TFAP2C: variants seen among roughly 807,000 people sequenced by gnomAD.
The protein encoded by TFAP2C is activating enhancer-binding protein 2 gamma.
Under a neutral mutation model 42.9 loss-of-function variants are expected in TFAP2C, and 9 were observed. That is an observed-to-expected ratio of 0.21 (90% confidence interval 0.13 to 0.37). TFAP2C has a LOEUF of 0.37. Among genes scored for constraint, TFAP2C ranks in the 10% least tolerant of loss-of-function variants. TFAP2C has a pLI of 1.00. For missense variants in TFAP2C, 462 were observed against 591.7 expected (o/e 0.78, Z 2.27); for synonymous variants, 264 against 256.0 (o/e 1.03, Z -0.30).
Position 56,631,089 on chromosome 20 carries a change from C to G in TFAP2C, c.49-116C>G. The stretch of plus-strand genomic sequence containing the variant: ...ACCTTCCGACCCTGGGCAAGCCCCG[C>G]CGGGCGGGGTGCGGTTGGTCCCCCG... On this transcript the variant is annotated intron_variant, in intron 1 of 6. Coordinates refer to ENST00000201031, the MANE Select transcript of TFAP2C (RefSeq NM_003222.4). This position sits in a 1 kb window ranked among gnomAD's most constrained non-coding sequence, Gnocchi z 6.1. 6.9e-7 allele frequency: 1 copy of G among 1,438,868 alleles called. No individual in the cohort carries two copies. The highest frequency in any genetic ancestry group is 9.1e-7 in the Non-Finnish European group (1 of 1,103,432). 89.1% of individuals were successfully genotyped at this position (1,438,868 alleles called of 1,614,324 possible).
intron 5 of TFAP2C, 73 bp from the exon 6 acceptor site, chr20:56,636,537 A>G (rs1987586646): frequency 1.9e-5 from 29 of 1,513,726 alleles, no homozygotes; most frequent in Non-Finnish European, 2.5e-5. Context: ...AAAAAAAAAA[A>G]AAAGAGAGAG....
rs1382424847 is a variant in TFAP2C, at chr20:56,629,836, C to T, written c.48+244C>T. Among the ~76,000 whole-genome samples the T allele has an allele frequency of 6.6e-6, 1 of 152,220 alleles. No homozygotes were observed. Among genetic ancestry groups the T allele is most frequent in the Non-Finnish European group, 1.5e-5 (1 of 68,038 alleles). On this transcript the variant is annotated intron_variant, in intron 1 of 6. Transcript: ENST00000201031. The surrounding 1 kb of genome is among the most constrained non-coding windows in gnomAD (Gnocchi z 5.9). ...AGAATGGCAAATCCCACCCACACAG[C>T]TTACCGGGCGCTTTCCTAAGCGGCA...
In TFAP2C at chr20:56,637,734, G is replaced by A; in HGVS notation, c.1074G>A (p.Leu358=). The A allele has an allele frequency of 6.2e-7, 1 of 1,614,042 alleles. No individual in the cohort carries two copies. The highest frequency in any genetic ancestry group is 1.1e-5 in the South Asian group (1 of 91,082). ...CAACTGACTGTCTTCACAGGCAACT[G>A]TGTAAAGAATTCACAGAACTTCTCA... ...RKNMLLAAQQ[L]CKEFTELLSQ... is the part of the protein sequence containing the mutation. The change falls in exon 7 of 7, where the codon CTG becomes CTA. Residue 358 remains leucine, a synonymous_variant. Transcript: ENST00000201031.
intron 5 of TFAP2C, 124 bp downstream of exon 5, chr20:56,634,392 G>T (rs1464205245): frequency 1.2e-5 from 8 of 692,922 alleles, no homozygotes; most frequent in Non-Finnish European, 2.0e-5. Flanking sequence ...GAAAGCAATT[G>T]GAATTGTTCT....
rs1363174952 is a variant in TFAP2C at position 56,638,449 on chromosome 20, T to C, written c.*436T>C. The C allele has an allele frequency of 1.2e-5, 2 of 160,596 alleles. No homozygotes were observed. Among genetic ancestry groups the C allele is most frequent in the Non-Finnish European group, 2.8e-5 (2 of 72,532 alleles). 9.9% of individuals were successfully genotyped at this position (160,596 alleles called of 1,614,324 possible). The stretch of plus-strand genomic sequence containing the variant: ...CAGTGTTAAGGTAATGGTTGGTTTT[T>C]GTGTCCGCTAAATATTTACCTTGAA... On this transcript the variant is annotated 3_prime_UTR_variant, in exon 7 of 7. Transcript: ENST00000201031.
Position 56,636,605 on chromosome 20 carries a change from T to C in TFAP2C, c.923-5T>C. On this transcript the variant is annotated splice_polypyrimidine_tract_variant and splice_region_variant and intron_variant, in intron 5 of 6. Coordinates refer to ENST00000201031, the MANE Select transcript of TFAP2C (RefSeq NM_003222.4). ...CATCCTAAAAGCTGTTGCTGATTAT[T>C]CTAGGTGAAGCTGTTCATTTGGCTA... 6.2e-7 allele frequency: 1 copy of C among 1,610,472 alleles called. No homozygotes were observed. The highest frequency in any genetic ancestry group is 8.5e-7 in the Non-Finnish European group (1 of 1,178,948).
chr20:56,630,434 C>A lies in TFAP2C; in HGVS notation c.49-771C>A. On this transcript the variant is annotated intron_variant, in intron 1 of 6. Transcript: ENST00000201031. This position sits in a 1 kb window ranked among gnomAD's most constrained non-coding sequence, Gnocchi z 5.1. ...CGCATCCTTTAGAAACTGAGTCGGG[C>A]CGCCCAGGGGCGAGGGAACGTGCGC... 2 of 424,364 alleles carry A rather than the reference C, an allele frequency of 4.7e-6. No individual in the cohort carries two copies. Among genetic ancestry groups the A allele is most frequent in the Non-Finnish European group, 4.9e-6 (1 of 205,016 alleles). The allele number at this position is 424,364 out of a possible 1,614,324, so 26.3% of individuals were successfully genotyped here.
Position 56,636,606 on chromosome 20 carries a change from C to G in TFAP2C, c.923-4C>G. 2 of 1,609,514 alleles carry G rather than the reference C, an allele frequency of 1.2e-6. No individual in the cohort carries two copies. Among genetic ancestry groups the G allele is most frequent in the Non-Finnish European group, 1.7e-6 (2 of 1,178,672 alleles). The stretch of plus-strand genomic sequence containing the variant: ...ATCCTAAAAGCTGTTGCTGATTATT[C>G]TAGGTGAAGCTGTTCATTTGGCTAG... On this transcript the variant is annotated splice_polypyrimidine_tract_variant and splice_region_variant and intron_variant, in intron 5 of 6. Transcript: ENST00000201031.
Position 56,631,020 on chromosome 20 carries a change from C to T in TFAP2C, c.49-185C>T, listed in dbSNP as rs1036626913. ...CACCAGACTCTCCTCCCTCCCCGCACTCTTTGCTTACAACGAAATCCTCGG... is the reference window on the plus strand; with the variant it reads ...CACCAGACTCTCCTCCCTCCCCGCATTCTTTGCTTACAACGAAATCCTCGG... On this transcript the variant is annotated intron_variant, in intron 1 of 6. Transcript: ENST00000201031. This position sits in a 1 kb window ranked among gnomAD's most constrained non-coding sequence, Gnocchi z 6.1. The T allele has an allele frequency of 6.1e-6, 6 of 985,294 alleles. No homozygotes were observed. The highest frequency in any genetic ancestry group is 1.2e-4 in the Admixed American group (2 of 16,264). The allele number at this position is 985,294 out of a possible 1,614,324, so 61.0% of individuals were successfully genotyped here.
chr20:56,631,118 C>T lies in TFAP2C; in HGVS notation c.49-87C>T. 1 of 1,455,536 alleles carries T rather than the reference C, an allele frequency of 6.9e-7. No homozygotes were observed. The highest frequency in any genetic ancestry group is 9.0e-7 in the Non-Finnish European group (1 of 1,109,790). 90.2% of individuals were successfully genotyped at this position (1,455,536 alleles called of 1,614,324 possible). A position where few individuals can be genotyped will look rare whatever the true frequency, so the allele number is the denominator to read the frequency against. ...GCGGGGTGCGGTTGGTCCCCCGGGG[C>T]CCTCTGCGTAGCCCGGCGATGCCGG... On this transcript the variant is annotated intron_variant, in intron 1 of 6. Transcript: ENST00000201031. The surrounding 1 kb of genome is among the most constrained non-coding windows in gnomAD (Gnocchi z 6.1).
rs1183341457 is a variant in TFAP2C at position 56,630,204 on chromosome 20, G to A, written c.48+612G>A. On this transcript the variant is annotated intron_variant, in intron 1 of 6. Transcript: ENST00000201031. The surrounding 1 kb of genome is among the most constrained non-coding windows in gnomAD (Gnocchi z 5.1). ...GAGGGAAGAAGGAGGCGGCGAGCGG[G>A]AAGAGGAAGAAGACGCAGGCAGCGC... 3.5e-6 allele frequency: 1 copy of A among 283,436 alleles called. No homozygotes were observed. The highest frequency in any genetic ancestry group is 2.7e-5 in the South Asian group (1 of 37,020). The allele number at this position is 283,436 out of a possible 1,614,324, so 17.6% of individuals were successfully genotyped here. A position where few individuals can be genotyped will look rare whatever the true frequency, so the allele number is the denominator to read the frequency against.
At chr20:56,634,676 C>A (rs1441117475) in intron 5 of TFAP2C, among the ~76,000 whole-genome samples, 1 of 152,140 alleles carries the variant, frequency 6.6e-6, no homozygotes, top group African/African-American at 2.4e-5. Context: ...TTTTTTGTAG[C>A]TGTGGGTTAT....
At chr20:56,632,144 C>T (rs572974180) in intron 3 of TFAP2C, among the ~76,000 whole-genome samples, 5 of 152,236 alleles carry the variant, frequency 3.3e-5, no homozygotes, top group Admixed American at 3.3e-4. Context: ...TCTTCCAGAG[C>T]GAGTGAACAC....
chr20:56,638,855 T>G lies in TFAP2C; in HGVS notation c.*842T>G, dbSNP rs1987636629. ...CCAAGTCCCCGTGGAGGTTCTGTAT[T>G]TTAAGAAACAGTGCGTTGAGTGTAC... On this transcript the variant is annotated 3_prime_UTR_variant, in exon 7 of 7. Transcript: ENST00000201031. The G allele has an allele frequency of 6.6e-6, 1 of 152,496 alleles. No homozygotes were observed. Among genetic ancestry groups the G allele is most frequent in the African/African-American group, 2.4e-5 (1 of 41,402 alleles). 9.4% of individuals were successfully genotyped at this position (152,496 alleles called of 1,614,324 possible).
At chr20:56,635,149 T>C (rs1249664427) in intron 5 of TFAP2C, among the ~76,000 whole-genome samples, 1 of 152,160 alleles carries the variant, frequency 6.6e-6, no homozygotes, top group African/African-American at 2.4e-5. Context: ...GTCCCTGCTT[T>C]ACCTTTTACG....
At chr20:56,637,566 G>T (rs1223408849) in intron 6 of TFAP2C, among the ~76,000 whole-genome samples, 162 bp from the exon 7 acceptor site, 1 of 152,240 alleles carries the variant, frequency 6.6e-6, no homozygotes, top group African/African-American at 2.4e-5. Context: ...GCGCAGAATA[G>T]TTGCTAAGCG....
Position 56,637,882 on chromosome 20 carries a change from G to T in TFAP2C, c.1222G>T (p.Ala408Ser). ...GTTTGGCAGCCAGGCCATCTGTGCC[G>T]CGGTGTCTGCCCTGCAGAACTACAT... ...HGFGSQAICAAVSALQNYIKE... is the reference protein window; with the variant it reads ...HGFGSQAICASVSALQNYIKE... The change falls in exon 7 of 7, where the codon GCG becomes TCG. Residue 408 changes from alanine to serine, a missense_variant. Around this residue, in one of 5 missense-constraint regions of TFAP2C, gnomAD observed 130 missense variants for 160.8 expected, o/e 0.81. Transcript: ENST00000201031. 1.1e-5 allele frequency: 17 copies of T among 1,601,490 alleles called. No individual in the cohort carries two copies. The highest frequency in any genetic ancestry group is 1.5e-5 in the Non-Finnish European group (17 of 1,168,490).
chr20:56,637,388 A>G (rs1987604226), intron 6 of TFAP2C, among the ~76,000 whole-genome samples: 1 of 152,196 alleles, frequency 6.6e-6, no homozygotes, highest in African/African-American at 2.4e-5. Flanking sequence ...AACTTGTACC[A>G]AGGTAAACTG....
Position 56,633,592 on chromosome 20 carries a change from C to CAT in TFAP2C, c.803+25_803+26dup, listed in dbSNP as rs1346996692. On this transcript the variant is annotated intron_variant, in intron 4 of 6. Coordinates refer to ENST00000201031, the MANE Select transcript of TFAP2C (RefSeq NM_003222.4). ...AAGGTACTTGGGGCACAATTCTAGG[C>CAT]ATAGTGGTTGGGTAGTTGAAGGTGA... is the stretch of plus-strand genomic sequence containing the variant. 3.8e-6 allele frequency: 6 copies of CAT among 1,593,742 alleles called. No homozygotes were observed. In the Middle Eastern group the frequency reaches 6.7e-4, roughly 177 times the overall value.
Sources: gnomAD v4.1 joint callset for allele counts (sites outside exome capture counted in the v4.1 genomes callset) on GRCh38, gnomAD v4.1.1 for gene constraint, gnomAD v4.1.1 regional missense constraint, Gnocchi (gnomAD v3.1) non-coding constraint, MANE v1.5 for transcripts, NCBI Gene and HGNC (gene_info 2026-07-23, HGNC 2026-07-21) for gene names.